The following TENM2 variants were observed in gnomAD, a reference collection of about 807,000 sequenced individuals.
TENM2 encodes teneurin transmembrane protein 2.
In TENM2, 52 loss-of-function variants were observed where a neutral mutation model predicts 245.2. That is an observed-to-expected ratio of 0.21 (90% CI 0.17 to 0.27). The LOEUF (loss-of-function observed/expected upper bound fraction) is 0.27, where lower values mean the gene tolerates loss of function less well. TENM2 is among the 10% of genes least tolerant of loss of function. The pLI, the probability that TENM2 is intolerant of heterozygous loss-of-function variation, is 1.00. For missense variants in TENM2, 3,046 were observed against 3,666.8 expected (o/e 0.83, Z 4.37); for synonymous variants, 1,363 against 1,438.9 (o/e 0.95, Z 1.19).
chr5:168,228,918 C>T (rs1764540425), intron 25 of TENM2, among the ~76,000 whole-genome samples: 1 of 144,246 alleles, frequency 6.9e-6, no homozygotes. Flanking sequence ...TAATGTAAAC[C>T]CTATATTATA....
the TENM2 span, among the ~76,000 whole-genome samples, chr5:167,276,984 G>A: frequency 1.3e-5 from 2 of 151,984 alleles, no homozygotes; most frequent in Admixed American, 6.6e-5. Context: ...TCCTGATGTG[G>A]ATAATTTGTG....
intron 2 of TENM2, among the ~76,000 whole-genome samples, chr5:167,536,776 G>A (rs1582321343): frequency 6.6e-6 from 1 of 152,132 alleles, no homozygotes; most frequent in Admixed American, 6.6e-5. Context: ...CAGCACTTTG[G>A]GAGACCGAGG....
At chr5:167,958,400 A>G (rs182805928) in intron 4 of TENM2, among the ~76,000 whole-genome samples, 9 of 152,300 alleles carry the variant, frequency 5.9e-5, no homozygotes, top group Non-Finnish European at 8.8e-5. Context: ...TCTCCTGAAT[A>G]CAGCACACTG....
chr5:167,640,394 G>A (rs1049026216), intron 2 of TENM2, among the ~76,000 whole-genome samples: 1 of 152,088 alleles, frequency 6.6e-6, no homozygotes, highest in African/African-American at 2.4e-5. Flanking sequence ...GAGGCAGGTG[G>A]ATCACCTGAG....
intron 2 of TENM2, among the ~76,000 whole-genome samples, chr5:167,861,310 T>G (rs1771782046): frequency 6.6e-6 from 1 of 152,140 alleles, no homozygotes; most frequent in South Asian, 2.1e-4. Flanking sequence ...ACGATAATGT[T>G]TCAGTACCAC....
In TENM2 at chr5:167,514,359, C is replaced by T. The variant is rs138214203; in HGVS notation, c.502+138886C>T. ...CAGGTAAATGAGACCATAAATGGGT[C>T]AGCACTTCCTAAGCTCTCTGCTGTC... On this transcript the variant is annotated intron_variant, in intron 2 of 28. Transcript: ENST00000518659. Among the ~76,000 whole-genome samples the T allele has an allele frequency of 5.0e-4, 76 of 152,258 alleles. 1 individual carries two copies. Among genetic ancestry groups the T allele is most frequent in the Non-Finnish European group, 8.7e-4 (59 of 68,020 alleles).
intron 21 of TENM2, among the ~76,000 whole-genome samples, chr5:168,215,609 C>CA (rs1401573680): frequency 2.0e-5 from 3 of 152,188 alleles, no homozygotes; most frequent in Non-Finnish European, 4.4e-5. Context: ...GCGGAGCTTG[C>CA]AGTGAGCCGA....
intron 4 of TENM2, among the ~76,000 whole-genome samples, chr5:167,979,092 A>G (rs1302677191): frequency 6.6e-6 from 1 of 152,214 alleles, no homozygotes; most frequent in Non-Finnish European, 1.5e-5. Context: ...AAAGACTGTC[A>G]ACAGGATCCC....
the TENM2 span, among the ~76,000 whole-genome samples, chr5:166,996,446 G>A: frequency 6.6e-6 from 1 of 152,206 alleles, no homozygotes; most frequent in Non-Finnish European, 1.5e-5. Context: ...ACTGGAATAT[G>A]ACCATACTGT....
At chr5:168,150,895 A>G (rs944968875) in intron 12 of TENM2, among the ~76,000 whole-genome samples, 1 of 152,174 alleles carries the variant, frequency 6.6e-6, no homozygotes, top group Non-Finnish European at 1.5e-5. Flanking sequence ...CAGCTTTTTC[A>G]GCCACAAATG....
At chr5:167,883,118 A>G (rs957766175) in intron 3 of TENM2, among the ~76,000 whole-genome samples, 1 of 152,180 alleles carries the variant, frequency 6.6e-6, no homozygotes, top group East Asian at 1.9e-4. Context: ...TGGTTTTGGT[A>G]TGCTATAACA....
At chr5:167,777,235 G>C (rs746523832) in intron 2 of TENM2, among the ~76,000 whole-genome samples, 7 of 152,186 alleles carry the variant, frequency 4.6e-5, no homozygotes, top group Non-Finnish European at 7.3e-5. Context: ...TAGCAAAGGA[G>C]AGAGAAGACA....
intron 1 of TENM2, among the ~76,000 whole-genome samples, chr5:167,342,712 A>G (rs1387226530): frequency 6.6e-6 from 1 of 151,450 alleles, no homozygotes; most frequent in African/African-American, 2.4e-5. Flanking sequence ...TATTTTTAGT[A>G]GAGACGGGGT....
intron 3 of TENM2, among the ~76,000 whole-genome samples, chr5:167,939,653 G>T (rs142919205): frequency 2.0e-5 from 3 of 152,314 alleles, no homozygotes; most frequent in Non-Finnish European, 4.4e-5. Flanking sequence ...TCAGCATAGG[G>T]TTGAGGAAGC....
At chr5:167,268,882 A>C in the TENM2 span, among the ~76,000 whole-genome samples, 1 of 131,268 alleles carries the variant, frequency 7.6e-6, no homozygotes, top group South Asian at 2.4e-4. Context: ...ACATAGATAG[A>C]TAGATAGATA....
chr5:167,698,490 C>A (rs192354975), intron 2 of TENM2, among the ~76,000 whole-genome samples: 12 of 152,232 alleles, frequency 7.9e-5, no homozygotes, highest in Non-Finnish European at 1.3e-4. Flanking sequence ...CCAAGATTAA[C>A]TGGATGTCTC....
intron 2 of TENM2, among the ~76,000 whole-genome samples, chr5:167,819,868 G>A (rs748627860): frequency 6.6e-6 from 1 of 152,178 alleles, no homozygotes; most frequent in Non-Finnish European, 1.5e-5. Context: ...AGGAGCATTT[G>A]TGGAGTGAGC....
chr5:166,990,817 G>A, the TENM2 span, among the ~76,000 whole-genome samples: 3 of 152,084 alleles, frequency 2.0e-5, no homozygotes, highest in Non-Finnish European at 4.4e-5. Flanking sequence ...TTTTTTGATA[G>A]CTTTGAGAAT....
the TENM2 span, among the ~76,000 whole-genome samples, chr5:167,095,915 C>T: frequency 6.6e-6 from 1 of 151,914 alleles, no homozygotes; most frequent in Admixed American, 6.6e-5. Context: ...GGATTACAGG[C>T]ACCCGCCACC....
Sources: gnomAD v4.1 joint callset for allele counts (sites outside exome capture counted in the v4.1 genomes callset) on GRCh38, gnomAD v4.1.1 for gene constraint, MANE v1.5 for transcripts, NCBI Gene and HGNC (gene_info 2026-07-23, HGNC 2026-07-21) for gene names.